The following CFAP44 variants were observed in gnomAD, a reference collection of about 807,000 sequenced individuals.
CFAP44 encodes cilia- and flagella-associated protein 44.
In CFAP44, 134 loss-of-function variants were observed where a neutral mutation model predicts 216.2. That is an observed-to-expected ratio of 0.62 (90% CI 0.54 to 0.72). The LOEUF (loss-of-function observed/expected upper bound fraction) is 0.72. Ranked by LOEUF, CFAP44 falls within the 30% of genes least tolerant of loss-of-function variation. The probability of loss-of-function intolerance (pLI) is 0.00; values close to 1 mark genes in which losing one functional copy is unlikely to be tolerated. For synonymous variants in CFAP44, 700 were observed against 727.6 expected, an observed-to-expected ratio of 0.96 and a Z score of 0.61; for missense variants, 2,035 against 2,182.1, an observed-to-expected ratio of 0.93 and a Z score of 1.34.
intron 28 of CFAP44, among the ~76,000 whole-genome samples, chr3:113,315,497 C>T (rs1439710559): frequency 1.3e-5 from 2 of 152,098 alleles, no homozygotes; most frequent in Admixed American, 6.5e-5. Flanking sequence ...TACCTTAACA[C>T]CCCTCTCTAA....
At chr3:113,343,227 A>G (rs1304268809) in intron 23 of CFAP44, among the ~76,000 whole-genome samples, 3 of 151,526 alleles carry the variant, frequency 2.0e-5, no homozygotes, top group Non-Finnish European at 4.4e-5. Context: ...GTGCTTAGCT[A>G]ATTATTGTAT....
chr3:113,423,542 CT>C (rs1934879047), intron 4 of CFAP44, among the ~76,000 whole-genome samples: 2 of 152,164 alleles, frequency 1.3e-5, no homozygotes, highest in Admixed American at 6.5e-5. Flanking sequence ...TTTGTCTTAT[CT>C]CACCCTCTCT....
intron 4 of CFAP44, among the ~76,000 whole-genome samples, chr3:113,425,459 C>T (rs542496726): frequency 1.4e-4 from 21 of 152,320 alleles, no homozygotes; most frequent in African/African-American, 4.8e-4. Flanking sequence ...CCTGTTTCTA[C>T]ATATCTTAAA....
intron 16 of CFAP44, among the ~76,000 whole-genome samples, chr3:113,380,683 C>T (rs1364711775): frequency 6.6e-6 from 1 of 152,122 alleles, no homozygotes; most frequent in Non-Finnish European, 1.5e-5. Flanking sequence ...CTCTCTTTTC[C>T]TCTGCAGACC....
chr3:113,304,209 C>T, intron 31 of CFAP44, 92 bp from the exon 32 acceptor site: 2 of 1,341,760 alleles, frequency 1.5e-6, no homozygotes, highest in Non-Finnish European at 2.0e-6. Flanking sequence ...CCTTCTTTGC[C>T]CCTTGTTTAG....
chr3:113,354,656 TC>T (rs1005335349), intron 22 of CFAP44, among the ~76,000 whole-genome samples: 2 of 152,064 alleles, frequency 1.3e-5, no homozygotes, highest in African/African-American at 4.8e-5. Flanking sequence ...GAGGGTGAGC[TC>T]AGACACACCT....
At chr3:113,354,453 T>C (rs939339617) in intron 22 of CFAP44, among the ~76,000 whole-genome samples, 37 of 152,302 alleles carry the variant, frequency 2.4e-4, no homozygotes, top group Middle Eastern at 6.8e-3. Context: ...TGGGAGGGTA[T>C]GGTAGGAGTG....
intron 32 of CFAP44, 36 bp from the exon 33 acceptor site, chr3:113,296,921 T>C (rs1949887505): frequency 6.5e-7 from 1 of 1,536,080 alleles, no homozygotes. Context: ...GGTTGTTCAA[T>C]GGCTCCCATT....
At chr3:113,402,145 A>G (rs754394996) in intron 9 of CFAP44, among the ~76,000 whole-genome samples, 2 of 152,224 alleles carry the variant, frequency 1.3e-5, no homozygotes, top group Non-Finnish European at 2.9e-5. Flanking sequence ...GGAAGGGGGA[A>G]ATATACCTTC....
At chr3:113,294,353 T>C in intron 34 of CFAP44, 1 of 315,758 alleles carries the variant, frequency 3.2e-6, no homozygotes, top group Non-Finnish European at 6.0e-6. Context: ...TTTGCAGATA[T>C]TGGAAATACA....
intron 8 of CFAP44, among the ~76,000 whole-genome samples, chr3:113,404,289 A>C (rs1934217283): frequency 6.6e-6 from 1 of 152,216 alleles, no homozygotes. Context: ...TATGTATACA[A>C]TAGACTTCTT....
At chr3:113,417,898 G>T (rs778591889) in intron 5 of CFAP44, among the ~76,000 whole-genome samples, 2 of 152,198 alleles carry the variant, frequency 1.3e-5, no homozygotes, top group South Asian at 2.1e-4. Flanking sequence ...GAAATATGGT[G>T]TAGAACATAT....
chr3:113,333,402 G>A lies in CFAP44; in HGVS notation c.3615+4C>T, dbSNP rs993680106. The A allele has an allele frequency of 1.0e-5, 16 of 1,536,204 alleles. No homozygotes were observed. Among genetic ancestry groups the A allele is most frequent in the African/African-American group, 2.7e-5 (2 of 72,956 alleles). The stretch of plus-strand genomic sequence containing the variant: ...CCATTGTCATAAAATCTGTAGATAA[G>A]TACCAAAGAATCTAGGTGTCCTAGT... On this transcript the variant is annotated splice_donor_region_variant and intron_variant, in intron 25 of 34. Coordinates refer to ENST00000393845, the MANE Select transcript of CFAP44 (RefSeq NM_001164496.2).
intron 28 of CFAP44, among the ~76,000 whole-genome samples, chr3:113,323,703 C>A (rs769183877): frequency 7.1e-4 from 108 of 152,050 alleles, no homozygotes; most frequent in Non-Finnish European, 4.9e-4. Flanking sequence ...ATGAAATATA[C>A]CAATTCCTCA....
intron 32 of CFAP44, among the ~76,000 whole-genome samples, chr3:113,297,351 C>T (rs191675171): frequency 2.7e-4 from 41 of 152,262 alleles, no homozygotes; most frequent in African/African-American, 9.6e-4. Context: ...GCTGCTTTCT[C>T]ATGCCTCTCC....
chr3:113,410,783 AT>A (rs1380747015), intron 6 of CFAP44, among the ~76,000 whole-genome samples: 2 of 152,040 alleles, frequency 1.3e-5, no homozygotes, highest in Non-Finnish European at 2.9e-5. Context: ...AAGCATTCCT[AT>A]TTCTCCACAT....
chr3:113,358,937 C>G, intron 21 of CFAP44, 62 bp from the exon 22 acceptor site: 1 of 1,480,868 alleles, frequency 6.8e-7, no homozygotes, highest in Non-Finnish European at 8.9e-7. Flanking sequence ...TCATATATTT[C>G]AGTTTTGTCC....
chr3:113,317,040 G>A (rs1159066296), intron 28 of CFAP44, among the ~76,000 whole-genome samples: 2 of 152,162 alleles, frequency 1.3e-5, no homozygotes, highest in Non-Finnish European at 2.9e-5. Flanking sequence ...CGAAGGTGAG[G>A]CTGAAGAGGA....
Position 113,303,957 on chromosome 3 carries a change from T to C in CFAP44, c.5036A>G (p.Gln1679Arg). ...LNKEWRERRK[Q>R]LIREKREMTK... ...CATTTCTCTCTTTTCTCGGATGAGCTGTTTACGTCTCTCTCTCCATTCTTT... is the reference window on the plus strand; with the variant it reads ...CATTTCTCTCTTTTCTCGGATGAGCCGTTTACGTCTCTCTCTCCATTCTTT... The change falls in exon 32 of 35, where the codon CAG becomes CGG. Residue 1679 changes from glutamine to arginine, a missense_variant. Transcript: ENST00000393845. 1 of 1,537,828 alleles carries C rather than the reference T, an allele frequency of 6.5e-7. No homozygotes were observed. Among genetic ancestry groups the C allele is most frequent in the Non-Finnish European group, 8.7e-7 (1 of 1,147,036 alleles).
Sources: allele counts gnomAD v4.1 joint callset (sites outside exome capture counted in the v4.1 genomes callset), GRCh38; gene constraint gnomAD v4.1.1; transcripts MANE v1.5; gene names NCBI Gene and HGNC (gene_info 2026-07-23, HGNC 2026-07-21).